GALNTL6: variants seen among roughly 807,000 people sequenced by gnomAD.
GALNTL6 encodes the protein polypeptide N-acetylgalactosaminyltransferase like 6, also known as polypeptide N-acetylgalactosaminyltransferase-like 6.
GALNTL6 carries 46 observed loss-of-function variants against 73.7 expected under a neutral mutation model. The observed-to-expected ratio is 0.62, with a 90% CI of 0.49 to 0.80. The LOEUF (loss-of-function observed/expected upper bound fraction) is 0.80. Among genes scored for constraint, GALNTL6 ranks in the 30% least tolerant of loss-of-function variants. GALNTL6 has a pLI of 0.00. For missense variants in GALNTL6, 604 were observed against 755.0 expected (o/e 0.80, Z 2.34); for synonymous variants, 259 against 263.7 (o/e 0.98, Z 0.17).
chr4:171,903,067 A>G (rs933088800), intron 2 of GALNTL6, among the ~76,000 whole-genome samples: 1 of 152,166 alleles, frequency 6.6e-6, no homozygotes, highest in African/African-American at 2.4e-5. Flanking sequence ...CTCATATTCT[A>G]ACTCAAGTGG....
At chr4:172,526,162 A>G (rs1164132987) in intron 5 of GALNTL6, among the ~76,000 whole-genome samples, 1 of 152,178 alleles carries the variant, frequency 6.6e-6, no homozygotes, top group Non-Finnish European at 1.5e-5. Context: ...TGAATAGCAA[A>G]TGTCCACTTA....
chr4:172,437,957 A>AT (rs33959893), intron 5 of GALNTL6, among the ~76,000 whole-genome samples: 132,205 of 151,938 alleles, frequency 0.87, 57,548 homozygotes, highest in South Asian at 0.88. Flanking sequence ...TTCCTCCTCC[A>AT]TTGTTAAAAG....
chr4:172,659,460 C>CTAGATCTTAT (rs1287791506), intron 5 of GALNTL6, among the ~76,000 whole-genome samples: 1 of 152,166 alleles, frequency 6.6e-6, no homozygotes, highest in East Asian at 1.9e-4. Flanking sequence ...CTACTGAACA[C>CTAGATCTTAT]TAGATCTTAT....
chr4:172,060,438 C>T (rs1358166767), intron 2 of GALNTL6, among the ~76,000 whole-genome samples: 4 of 152,070 alleles, frequency 2.6e-5, no homozygotes, highest in Non-Finnish European at 5.9e-5. Flanking sequence ...AATTGCTCTA[C>T]TCTCCTGTTT....
chr4:172,656,928 AT>A (rs5864145), intron 5 of GALNTL6, among the ~76,000 whole-genome samples: 67 of 150,662 alleles, frequency 4.4e-4, no homozygotes, highest in African/African-American at 1.4e-3. Flanking sequence ...GAAGGACATT[AT>A]TTTTTTTTTC....
intron 2 of GALNTL6, among the ~76,000 whole-genome samples, chr4:172,177,828 CACACACATATATATGTGTATATATAT>C (rs1735090981): frequency 7.6e-6 from 1 of 131,646 alleles, no homozygotes; most frequent in Non-Finnish European, 1.6e-5. Flanking sequence ...TGTATATATA[CACACACATATATATGTGTATATATAT>C]ACACACATAC....
At chr4:172,698,980 T>G (rs113985459) in intron 5 of GALNTL6, among the ~76,000 whole-genome samples, 2 of 152,174 alleles carry the variant, frequency 1.3e-5, no homozygotes, top group African/African-American at 4.8e-5. Flanking sequence ...CAACAAAAAT[T>G]TATTTCTCAT....
At chr4:172,661,305 C>A (rs1405876615) in intron 5 of GALNTL6, among the ~76,000 whole-genome samples, 1 of 152,184 alleles carries the variant, frequency 6.6e-6, no homozygotes, top group Non-Finnish European at 1.5e-5. Flanking sequence ...CTGCAACTCA[C>A]CCCTGGGTCT....
chr4:172,843,062 G>A (rs1187043345), intron 7 of GALNTL6, among the ~76,000 whole-genome samples: 1 of 152,100 alleles, frequency 6.6e-6, no homozygotes, highest in Non-Finnish European at 1.5e-5. Flanking sequence ...CTCTGGGAAT[G>A]GGTTCAAATA....
chr4:172,526,951 C>T (rs1734979400), intron 5 of GALNTL6, among the ~76,000 whole-genome samples: 3 of 151,608 alleles, frequency 2.0e-5, no homozygotes, highest in Non-Finnish European at 4.4e-5. Flanking sequence ...AGAGCTGGTG[C>T]TGCACTATGT....
intron 5 of GALNTL6, among the ~76,000 whole-genome samples, chr4:172,552,983 G>A (rs1489767439): frequency 6.6e-6 from 1 of 151,956 alleles, no homozygotes; most frequent in African/African-American, 2.4e-5. Context: ...AAAGTGTATA[G>A]CTATAGTGTA....
intron 5 of GALNTL6, among the ~76,000 whole-genome samples, chr4:172,465,007 C>T (rs1732755498): frequency 6.6e-6 from 1 of 152,032 alleles, no homozygotes; most frequent in African/African-American, 2.4e-5. Flanking sequence ...AGTGAAACAT[C>T]GTAATGAAAA....
chr4:172,066,535 C>CTTT (rs34015763), intron 2 of GALNTL6, among the ~76,000 whole-genome samples: 2 of 142,404 alleles, frequency 1.4e-5, no homozygotes, highest in Non-Finnish European at 3.0e-5. Flanking sequence ...CTGACCTGGA[C>CTTT]TTTTTTTTTT....
chr4:172,815,582 G>A (rs572438505), intron 7 of GALNTL6, among the ~76,000 whole-genome samples: 11 of 152,166 alleles, frequency 7.2e-5, no homozygotes, highest in African/African-American at 1.7e-4. Flanking sequence ...TCAAAATGCC[G>A]TCAGAGGAAT....
At position 171,824,080 on chromosome 4, in the gene GALNTL6, TATATATATA is replaced by T. The variant is rs1560802393; in HGVS notation, c.138+9363_138+9371del. On this transcript the variant is annotated intron_variant, in intron 2 of 12. Transcript: ENST00000506823. Reference sequence around the variant, plus strand: ...AAGTCCTCAACACAAATCCATTTTATATATATATATATATATATATATATATATATGTAA... The same window carrying T: ...AAGTCCTCAACACAAATCCATTTTATTATATATATATATATATATATGTAA... 1.9e-3 allele frequency among the ~76,000 whole-genome samples: 32 copies of T among 17,212 alleles called. No individual in the cohort carries two copies. In the Admixed American group the frequency reaches 0.043, roughly 23 times the overall value. 11.3% of individuals were successfully genotyped at this position (17,212 alleles called of 152,430 possible). A position where few individuals can be genotyped will look rare whatever the true frequency, so the allele number is the denominator to read the frequency against.
intron 5 of GALNTL6, among the ~76,000 whole-genome samples, chr4:172,404,360 A>G (rs984891839): frequency 1.2e-4 from 19 of 152,044 alleles, no homozygotes; most frequent in African/African-American, 4.1e-4. Flanking sequence ...GCTGACAAAT[A>G]CTAAATACCT....
chr4:172,291,661 A>G (rs776006085), intron 3 of GALNTL6, among the ~76,000 whole-genome samples: 1 of 152,032 alleles, frequency 6.6e-6, no homozygotes, highest in African/African-American at 2.4e-5. Context: ...GGCAAAGGCA[A>G]TTGATGAGGG....
At chr4:172,339,257 C>CCACACACACACTCACACA (rs1554015246) in intron 4 of GALNTL6, among the ~76,000 whole-genome samples, 31 of 120,952 alleles carry the variant, frequency 2.6e-4, no homozygotes, top group Non-Finnish European at 4.6e-4. Context: ...CACACACACA[C>CCACACACACACTCACACA]CACACACACA....
intron 5 of GALNTL6, among the ~76,000 whole-genome samples, chr4:172,564,648 C>T (rs1736493131): frequency 6.6e-6 from 1 of 152,110 alleles, no homozygotes; most frequent in Non-Finnish European, 1.5e-5. Flanking sequence ...AAAGAGAAAC[C>T]AGCTCAATTA....
Sources: allele counts gnomAD v4.1 joint callset (sites outside exome capture counted in the v4.1 genomes callset), GRCh38; gene constraint gnomAD v4.1.1; transcripts MANE v1.5; gene names NCBI Gene and HGNC (gene_info 2026-07-23, HGNC 2026-07-21).